AGO4: variants seen among roughly 807,000 people sequenced by gnomAD.
The protein encoded by AGO4 is argonaute RISC component 4, also known as protein argonaute-4.
A neutral mutation model predicts 104.7 loss-of-function variants in AGO4; 33 were observed. That is an observed-to-expected ratio of 0.32 (90% CI 0.24 to 0.42). The LOEUF is 0.42. Among genes scored for constraint, AGO4 ranks in the 10% least tolerant of loss-of-function variants. The pLI, the probability that AGO4 is intolerant of heterozygous loss-of-function variation, is 1.00. For missense variants in AGO4, 711 were observed against 1,083.4 expected (o/e 0.66, Z 4.83); for synonymous variants, 331 against 364.7 (o/e 0.91, Z 1.05).
chr1:35,826,592 A>T (rs2148661954), intron 6 of AGO4, among the ~76,000 whole-genome samples, 156 bp from the exon 7 acceptor site: 1 of 152,348 alleles, frequency 6.6e-6, no homozygotes, highest in East Asian at 1.9e-4. Flanking sequence ...TATTCTGCTT[A>T]ACTCAGGTTT....
chr1:35,823,816 C>G (rs1643943598), intron 3 of AGO4, among the ~76,000 whole-genome samples: 1 of 150,712 alleles, frequency 6.6e-6, no homozygotes, highest in Non-Finnish European at 1.5e-5. Flanking sequence ...ACTCCTGACC[C>G]CAGGTGATCC....
rs183963488 is a variant in AGO4 at position 35,816,969 on chromosome 1, A to C, written c.107A>C (p.Gln36Pro). ...KPIRLLANHF[Q>P]VQIPKIDVYH... ...ATTCGACTGTTAGCCAATCATTTTC[A>C]GGTTCAGATTCCTAAAATAGATGTG... The change falls in exon 2 of 18, where the codon CAG becomes CCG. Residue 36 changes from glutamine to proline, a missense_variant. Physicochemically the swap from Gln to Pro is moderately conservative, Grantham distance 76. Coordinates refer to ENST00000373210, the MANE Select transcript of AGO4 (RefSeq NM_017629.4). The C allele has an allele frequency of 6.2e-7, 1 of 1,613,994 alleles. No individual in the cohort carries two copies. The highest frequency in any genetic ancestry group is 1.3e-5 in the African/African-American group (1 of 74,914).
chr1:35,850,086 A>G, intron 15 of AGO4, 71 bp from the exon 16 acceptor site: 2 of 1,047,934 alleles, frequency 1.9e-6, no homozygotes, highest in Non-Finnish European at 2.8e-6. Flanking sequence ...CAATTAACAC[A>G]CAAAAGAAAA....
intron 1 of AGO4, among the ~76,000 whole-genome samples, chr1:35,810,774 A>G (rs1374949449): frequency 6.6e-6 from 1 of 152,104 alleles, no homozygotes; most frequent in Middle Eastern, 3.2e-3. Flanking sequence ...CATCTGTTCT[A>G]TGTTGTCATA....
chr1:35,832,000 C>T (rs1644197197), intron 9 of AGO4, 57 bp from the exon 10 acceptor site: 3 of 1,605,288 alleles, frequency 1.9e-6, no homozygotes, highest in Non-Finnish European at 2.5e-6. Context: ...TAGAAAACTC[C>T]TCCTGGGACA....
rs140000177 is a variant in AGO4, at chr1:35,816,911, C to T, written c.49C>T (p.Arg17Cys). 232 of 1,613,208 alleles carry T rather than the reference C, an allele frequency of 1.4e-4. No homozygotes were observed. Among genetic ancestry groups the T allele is most frequent in the Non-Finnish European group, 1.8e-4 (211 of 1,179,580 alleles). ...TCCGGCTAGCCTGTTTCAGCCACCT[C>T]GTCGTCCTGGCCTTGGAACTGTTGG... Reference protein sequence around the residue: ...GPPASLFQPPRRPGLGTVGKP... With the variant: ...GPPASLFQPPCRPGLGTVGKP... The change falls in exon 2 of 18, where the codon CGT becomes TGT. Residue 17 changes from arginine to cysteine, a missense_variant. By Grantham distance (180) the Arg-to-Cys change is radical. Around this residue, in one of 3 missense-constraint regions of AGO4, gnomAD observed 308 missense variants for 397.8 expected, o/e 0.77. Transcript: ENST00000373210.
chr1:35,826,714 T>G (rs758313723), intron 6 of AGO4, 34 bp from the exon 7 acceptor site: 11 of 1,548,692 alleles, frequency 7.1e-6, no homozygotes, highest in Non-Finnish European at 8.9e-6. Context: ...TGATTTTAAT[T>G]AACTGATGTT....
intron 4 of AGO4, 21 bp from the exon 5 acceptor site, chr1:35,825,658 T>C (rs770710020): frequency 2.6e-6 from 4 of 1,531,488 alleles, no homozygotes; most frequent in East Asian, 4.5e-5. Context: ...ATGTGACACA[T>C]GCAAACTCTT....
At chr1:35,832,224 C>G (rs764604125) in intron 10 of AGO4, 39 bp downstream of exon 10, 24 of 1,598,752 alleles carry the variant, frequency 1.5e-5, no homozygotes, top group Non-Finnish European at 2.0e-5. Flanking sequence ...TCTTCCACAA[C>G]CAGTCAAAAA....
Position 35,808,717 on chromosome 1 carries a change from C to G in AGO4, c.19+282C>G, listed in dbSNP as rs1222026721. Among the ~76,000 whole-genome samples the G allele has an allele frequency of 1.3e-5, 2 of 152,088 alleles. No homozygotes were observed. The highest frequency in any genetic ancestry group is 2.9e-5 in the Non-Finnish European group (2 of 68,002). On this transcript the variant is annotated intron_variant, in intron 1 of 17. Transcript: ENST00000373210. This position sits in a 1 kb window ranked among gnomAD's most constrained non-coding sequence, Gnocchi z 5.2. The stretch of plus-strand genomic sequence containing the variant: ...CACTCTTGGCCCCACCTCGGGGAGA[C>G]GATATGTGCCCGGGGTCGCGACGAG...
At chr1:35,830,160 A>T (rs534979068) in intron 7 of AGO4, among the ~76,000 whole-genome samples, 1 of 151,686 alleles carries the variant, frequency 6.6e-6, no homozygotes, top group African/African-American at 2.4e-5. Context: ...AAAAAAAAAA[A>T]AAGCAAGATT....
chr1:35,845,111 GA>G lies in AGO4; in HGVS notation c.2175+3362del, dbSNP rs1644535987. Among the ~76,000 whole-genome samples, 5 of 57,322 alleles carry G rather than the reference GA, an allele frequency of 8.7e-5. No individual in the cohort carries two copies. In the South Asian group the frequency reaches 4.4e-3, roughly 51 times the overall value. 37.6% of individuals were successfully genotyped at this position (57,322 alleles called of 152,430 possible). A position where few individuals can be genotyped will look rare whatever the true frequency, so the allele number is the denominator to read the frequency against. On this transcript the variant is annotated intron_variant, in intron 15 of 17. Transcript: ENST00000373210. ...GCTTTACTACCCACCTTTGTAATCA[GA>G]CTTTTTTTTTTTTTTTTTTGAAATG...
chr1:35,857,865 C>T lies in AGO4; in HGVS notation c.*4260C>T, dbSNP rs1644846881. 1 of 152,092 alleles carries T rather than the reference C, an allele frequency of 6.6e-6. No homozygotes were observed. The highest frequency in any genetic ancestry group is 2.4e-5 in the African/African-American group (1 of 41,404). 9.4% of individuals were successfully genotyped at this position (152,092 alleles called of 1,614,324 possible). On this transcript the variant is annotated 3_prime_UTR_variant, in exon 18 of 18. Coordinates refer to ENST00000373210, the MANE Select transcript of AGO4 (RefSeq NM_017629.4). ...TACAATTATTATGTGTCAATTAAAA[C>T]TAAAATAAAACTTTTAAAAAAGAAA...
At chr1:35,814,804 T>C (rs1033992374) in intron 1 of AGO4, among the ~76,000 whole-genome samples, 6 of 152,188 alleles carry the variant, frequency 3.9e-5, no homozygotes, top group African/African-American at 1.4e-4. Flanking sequence ...AGTGTTAGAA[T>C]ATGGTGATCT....
chr1:35,845,732 T>C (rs796362970), intron 15 of AGO4, among the ~76,000 whole-genome samples: 22 of 152,284 alleles, frequency 1.4e-4, no homozygotes, highest in African/African-American at 5.1e-4. Context: ...ACCAGACATA[T>C]TTGCTTAGAT....
Position 35,808,306 on chromosome 1 carries a change from C to A in AGO4, c.-111C>A. On this transcript the variant is annotated 5_prime_UTR_variant, in exon 1 of 18. Coordinates refer to ENST00000373210, the MANE Select transcript of AGO4 (RefSeq NM_017629.4). The surrounding 1 kb of genome is among the most constrained non-coding windows in gnomAD (Gnocchi z 5.2). ...AGCGCCCGCGTCTCCGCGGCGCCAC[C>A]CCAGCGCCAATATTCCGGAGATCAA... 1.5e-6 allele frequency: 1 copy of A among 660,886 alleles called. No homozygotes were observed. The highest frequency in any genetic ancestry group is 1.9e-6 in the Non-Finnish European group (1 of 531,724). 40.9% of individuals were successfully genotyped at this position (660,886 alleles called of 1,614,324 possible).
In AGO4 at chr1:35,813,196, T is replaced by G. The variant is rs541165910; in HGVS notation, c.20-3686T>G. Reference sequence around the variant, plus strand: ...AGGCCAAGGCAGGCAGATCACAAGGTCAGGAGATCAAGACCATCCTGGCTA... The same window carrying G: ...AGGCCAAGGCAGGCAGATCACAAGGGCAGGAGATCAAGACCATCCTGGCTA... On this transcript the variant is annotated intron_variant, in intron 1 of 17. Transcript: ENST00000373210. Among the ~76,000 whole-genome samples, 16 of 148,740 alleles carry G rather than the reference T, an allele frequency of 1.1e-4. 1 individual carries two copies. The highest frequency in any genetic ancestry group is 8.7e-4 in the Admixed American group (13 of 14,940).
Position 35,825,502 on chromosome 1 carries a change from C to T in AGO4, c.488+8C>T. ...ACACCTTCCCTCCATGAGGTTAGTACCTTGGTTTGGATTATTTCCTACAAA... is the reference window on the plus strand; with the variant it reads ...ACACCTTCCCTCCATGAGGTTAGTATCTTGGTTTGGATTATTTCCTACAAA... On this transcript the variant is annotated splice_region_variant and intron_variant, in intron 4 of 17. Coordinates refer to ENST00000373210, the MANE Select transcript of AGO4 (RefSeq NM_017629.4). 1 of 1,609,786 alleles carries T rather than the reference C, an allele frequency of 6.2e-7. No homozygotes were observed. Among genetic ancestry groups the T allele is most frequent in the East Asian group, 2.2e-5 (1 of 44,814 alleles).
chr1:35,833,123 C>G (rs1644226303), intron 11 of AGO4, among the ~76,000 whole-genome samples: 2 of 151,726 alleles, frequency 1.3e-5, no homozygotes, highest in Admixed American at 1.3e-4. Flanking sequence ...TACTAAAATA[C>G]AAAAAATCAG....
Sources: allele counts gnomAD v4.1 joint callset (sites outside exome capture counted in the v4.1 genomes callset), GRCh38; gene constraint gnomAD v4.1.1; regional missense constraint gnomAD v4.1.1; non-coding constraint Gnocchi (gnomAD v3.1); transcripts MANE v1.5; gene names NCBI Gene and HGNC (gene_info 2026-07-23, HGNC 2026-07-21).